The following HNF1B variants were observed in gnomAD, a reference collection of about 807,000 sequenced individuals.
HNF1B encodes the protein HNF1 homeobox B.
HNF1B carries 8 observed loss-of-function variants against 61.7 expected under a neutral mutation model. The ratio of observed to expected loss-of-function variants is 0.13; its 90% CI spans 0.08 to 0.23. HNF1B has a LOEUF of 0.23. Ranked by LOEUF, HNF1B falls within the 10% of genes least tolerant of loss-of-function variation. The pLI is 1.00. For synonymous variants in HNF1B, 314 were observed against 287.7 expected, an observed-to-expected ratio of 1.09 and a Z score of -0.93; for missense variants, 562 against 714.5, an observed-to-expected ratio of 0.79 and a Z score of 2.43.
rs775856880 is a variant in HNF1B, at chr17:37,711,388, A to T, written c.1046-725T>A. On this transcript the variant is annotated intron_variant, in intron 4 of 8. Transcript: ENST00000617811. ...GGAGGTGGGGCAGGCAGCACCACAC[A>T]CAGGCAGATGTGGATGTTTAGTAAA... 9.9e-5 allele frequency among the ~76,000 whole-genome samples: 15 copies of T among 152,234 alleles called. 1 individual carries two copies. Among genetic ancestry groups the T allele is most frequent in the Non-Finnish European group, 2.1e-4 (14 of 68,038 alleles).
Position 37,696,679 on chromosome 17 carries a change from C to G in HNF1B, c.1653+2397G>C, listed in dbSNP as rs146286211. On this transcript the variant is annotated intron_variant, in intron 8 of 8. Transcript: ENST00000617811. ...AGATATTTCTTTATAGCGAAGCAAACAGACATCGCTATAAGCAATAAATCT... is the reference window on the plus strand; with the variant it reads ...AGATATTTCTTTATAGCGAAGCAAAGAGACATCGCTATAAGCAATAAATCT... Among the ~76,000 whole-genome samples, 359 of 152,322 alleles carry G rather than the reference C, an allele frequency of 2.4e-3. 1 individual carries two copies. Among genetic ancestry groups the G allele is most frequent in the African/African-American group, 8.3e-3 (344 of 41,576 alleles).
chr17:37,736,161 G>A (rs1425637488), intron 2 of HNF1B, among the ~76,000 whole-genome samples: 1 of 152,200 alleles, frequency 6.6e-6, no homozygotes, highest in Non-Finnish European at 1.5e-5. Flanking sequence ...ATCCAAGGGG[G>A]AGAAGGAGAT....
intron 6 of HNF1B, among the ~76,000 whole-genome samples, chr17:37,703,553 A>G (rs966027515): frequency 9.2e-5 from 14 of 152,198 alleles, no homozygotes; most frequent in African/African-American, 3.1e-4. Context: ...AATCTTCTAA[A>G]TGGCAAACAA....
intron 4 of HNF1B, among the ~76,000 whole-genome samples, chr17:37,727,108 C>T (rs1014282806): frequency 1.3e-5 from 2 of 152,222 alleles, no homozygotes. Context: ...CCAACTTCCT[C>T]CTCCTCCTCC....
intron 4 of HNF1B, among the ~76,000 whole-genome samples, chr17:37,724,374 GT>G (rs2033423636): frequency 6.6e-6 from 1 of 152,142 alleles, no homozygotes; most frequent in African/African-American, 2.4e-5. Flanking sequence ...CTCCCCAGCT[GT>G]TCTGACAGGT....
intron 4 of HNF1B, among the ~76,000 whole-genome samples, chr17:37,714,448 T>C (rs1454277509): frequency 6.6e-6 from 1 of 152,194 alleles, no homozygotes; most frequent in Admixed American, 6.5e-5. Context: ...GCCAGGTTAA[T>C]AGCCACAGAG....
intron 5 of HNF1B, among the ~76,000 whole-genome samples, chr17:37,706,376 T>C (rs1433569778): frequency 1.3e-5 from 2 of 152,144 alleles, no homozygotes; most frequent in Non-Finnish European, 2.9e-5. Context: ...ATGCACCAGA[T>C]GTCTGAGTAA....
At chr17:37,701,238 G>A in intron 6 of HNF1B, 61 bp from the exon 7 acceptor site, 1 of 1,484,702 alleles carries the variant, frequency 6.7e-7, no homozygotes, top group South Asian at 1.2e-5. Flanking sequence ...GTGGATGGAT[G>A]CCATCATTTG....
At chr17:37,710,968 T>C (rs1032882818) in intron 4 of HNF1B, among the ~76,000 whole-genome samples, 1 of 152,270 alleles carries the variant, frequency 6.6e-6, no homozygotes, top group Admixed American at 6.5e-5. Context: ...AATAAATGAA[T>C]GACTGGATGG....
intron 4 of HNF1B, among the ~76,000 whole-genome samples, chr17:37,712,569 T>C (rs1320480348): frequency 1.3e-5 from 2 of 152,186 alleles, no homozygotes; most frequent in Non-Finnish European, 2.9e-5. Flanking sequence ...CTAGGTTCAA[T>C]GGAAAACAGG....
chr17:37,724,965 G>A (rs2033450534), intron 4 of HNF1B, among the ~76,000 whole-genome samples: 1 of 151,278 alleles, frequency 6.6e-6, no homozygotes, highest in Admixed American at 6.6e-5. Flanking sequence ...ATATATGTAT[G>A]TATATTTCTC....
intron 4 of HNF1B, among the ~76,000 whole-genome samples, chr17:37,711,166 C>T (rs1455528588): frequency 6.6e-6 from 1 of 152,192 alleles, no homozygotes; most frequent in Admixed American, 6.5e-5. Flanking sequence ...TCCAGTGACC[C>T]TTGAAAGAGC....
At chr17:37,728,389 C>A (rs2147531500) in intron 4 of HNF1B, among the ~76,000 whole-genome samples, 1 of 149,628 alleles carries the variant, frequency 6.7e-6, no homozygotes, top group Non-Finnish European at 1.5e-5. Context: ...TCCCTGCAAG[C>A]TCCGCCTCCT....
At chr17:37,689,820 C>T (rs1348316959) in intron 8 of HNF1B, among the ~76,000 whole-genome samples, 1 of 152,242 alleles carries the variant, frequency 6.6e-6, no homozygotes, top group Non-Finnish European at 1.5e-5. Flanking sequence ...GCCTCGAGTT[C>T]TTACGTCGAC....
chr17:37,744,919 T>TGGTGGGGGG lies in HNF1B; in HGVS notation c.-36_-35insCCCCCCACC. 4 of 378,264 alleles carry TGGTGGGGGG rather than the reference T, an allele frequency of 1.1e-5. No homozygotes were observed. The highest frequency in any genetic ancestry group is 1.5e-5 in the Non-Finnish European group (3 of 197,304). The allele number at this position is 378,264 out of a possible 1,614,324, so 23.4% of individuals were successfully genotyped here. The stretch of plus-strand genomic sequence containing the variant: ...ACGGAAAAAGAAGGGGGTGAGGGGG[T>TGGTGGGGGG]GGGTGGGTGCGAGAGAGGAGGGTGG... On this transcript the variant is annotated 5_prime_UTR_variant, in exon 1 of 9. Coordinates refer to ENST00000617811, the MANE Select transcript of HNF1B (RefSeq NM_000458.4).
At chr17:37,705,786 C>T (rs2032726968) in intron 5 of HNF1B, among the ~76,000 whole-genome samples, 1 of 152,064 alleles carries the variant, frequency 6.6e-6, no homozygotes, top group African/African-American at 2.4e-5. Context: ...TTAGAACTTA[C>T]AGTATTAAAC....
At chr17:37,725,150 C>A (rs77735457) in intron 4 of HNF1B, among the ~76,000 whole-genome samples, 1 of 152,200 alleles carries the variant, frequency 6.6e-6, no homozygotes, top group Non-Finnish European at 1.5e-5. Context: ...TCTCATCAAA[C>A]CTTCAACAGT....
rs922924499 is a variant in HNF1B, at chr17:37,742,728, GGGCCGGGCCTGGCTCTCCGCC to G, written c.344+1792_344+1812del. On this transcript the variant is annotated intron_variant, in intron 1 of 8. Coordinates refer to ENST00000617811, the MANE Select transcript of HNF1B (RefSeq NM_000458.4). The stretch of plus-strand genomic sequence containing the variant: ...AGCGGGGCTGGGGTCTAAGGACCCT[GGGCCGGGCCTGGCTCTCCGCC>G]GGCCGGGCCTGCGGGTGTCGGCGAC... Among the ~76,000 whole-genome samples, 10 of 151,602 alleles carry G rather than the reference GGGCCGGGCCTGGCTCTCCGCC, an allele frequency of 6.6e-5. No homozygotes were observed. In the East Asian group the frequency reaches 7.9e-4, roughly 12 times the overall value.
chr17:37,744,286 C>T (rs931985986), intron 1 of HNF1B, among the ~76,000 whole-genome samples: 1 of 152,268 alleles, frequency 6.6e-6, no homozygotes, highest in African/African-American at 2.4e-5. Context: ...GGCCCAGCCC[C>T]AGCCCCGCGG....
Sources: allele counts gnomAD v4.1 joint callset (sites outside exome capture counted in the v4.1 genomes callset), GRCh38; gene constraint gnomAD v4.1.1; transcripts MANE v1.5; gene names NCBI Gene and HGNC (gene_info 2026-07-23, HGNC 2026-07-21).